Variants in COMMD5 observed in about 807,000 individuals in gnomAD.
The protein encoded by COMMD5 is COMM domain containing 5.
COMMD5 carries 10 observed loss-of-function variants against 6.9 expected under a neutral mutation model. The ratio of observed to expected loss-of-function variants is 1.44; its 90% CI spans 0.89 to 2.45. COMMD5 has a LOEUF of 2.45. COMMD5 is among the 30% of genes most tolerant of loss of function. The pLI is 0.00. For missense variants in COMMD5, 234 were observed against 287.8 expected (o/e 0.81, Z 1.35); for synonymous variants, 127 against 125.3 (o/e 1.01, Z -0.09).
chr8:144,845,624 T>A (rs147090252), downstream of COMMD5, among the ~76,000 whole-genome samples: 233 of 152,326 alleles, frequency 1.5e-3, 1 homozygote, highest in Admixed American at 3.4e-3. Context: ...AGGCTGATAT[T>A]CACAGGCATG....
chr8:144,845,831 G>A (rs924653819), downstream of COMMD5: 41 of 739,380 alleles, frequency 5.5e-5, no homozygotes, highest in East Asian at 2.7e-4. Context: ...TACTCACACC[G>A]GAACTTCTGT....
downstream of COMMD5, among the ~76,000 whole-genome samples, chr8:144,850,003 C>G (rs1830664023): frequency 1.3e-5 from 2 of 152,068 alleles, no homozygotes; most frequent in South Asian, 4.1e-4. The surrounding 1 kb of genome is among the most constrained non-coding windows in gnomAD (Gnocchi z 4.0). Context: ...CAGGCCTCCC[C>G]ACACTGGCCG....
downstream of COMMD5, chr8:144,838,081 G>A: frequency 1.4e-6 from 1 of 703,008 alleles, no homozygotes; most frequent in South Asian, 1.5e-5. Context: ...CTTTAGGGAA[G>A]GATCCTGTCC....
At chr8:144,846,311 C>T, downstream of COMMD5, 4 of 858,316 alleles carry the variant, frequency 4.7e-6, no homozygotes, top group Non-Finnish European at 6.9e-6. Flanking sequence ...GGTCCTAAGT[C>T]AGGGGCTGGC....
downstream of COMMD5, chr8:144,847,079 G>A (rs1199272225): frequency 6.6e-6 from 1 of 152,224 alleles, no homozygotes; most frequent in Non-Finnish European, 1.5e-5. Context: ...CCAAGGGTGT[G>A]AGCACATGAC....
downstream of COMMD5, chr8:144,838,147 G>A: frequency 2.8e-6 from 2 of 702,972 alleles, no homozygotes; most frequent in South Asian, 3.0e-5. Context: ...TTGGCTTGTG[G>A]ATGCGTCCCT....
At chr8:144,842,349 G>A (rs776788773) in intron 1 of COMMD5, 4 of 1,613,930 alleles carry the variant, frequency 2.5e-6, no homozygotes, top group Non-Finnish European at 2.5e-6. Context: ...AACCATTTAA[G>A]TGTGATGAGT....
At chr8:144,843,414 C>T (rs544668647) in intron 1 of COMMD5, 9 of 376,876 alleles carry the variant, frequency 2.4e-5, no homozygotes, top group East Asian at 9.1e-5. Context: ...AGGTGAAACC[C>T]CATCTCTACT....
At position 144,842,386 on chromosome 8, in the gene COMMD5, C is replaced by T. The variant is rs575469319; in HGVS notation, c.*117-643G>A. On this transcript the variant is annotated intron_variant and NMD_transcript_variant, in intron 1 of 1. Transcript: ENST00000530332. ...TGGGAAAGCTTTTAGGTGGATCTCT[C>T]GCCTGAGTCAGCATCAGCTGATTCA... 1.5e-5 allele frequency: 25 copies of T among 1,613,948 alleles called. No homozygotes were observed. Among genetic ancestry groups the T allele is most frequent in the African/African-American group, 2.7e-5 (2 of 75,022 alleles).
downstream of COMMD5, chr8:144,846,196 C>T: frequency 6.5e-7 from 1 of 1,535,232 alleles, no homozygotes; most frequent in Non-Finnish European, 8.7e-7. Context: ...AGATTCTGTG[C>T]TAACCATAAT....
chr8:144,842,637 C>T lies in COMMD5; in HGVS notation c.*117-894G>A, dbSNP rs763939395. On this transcript the variant is annotated intron_variant and NMD_transcript_variant, in intron 1 of 1. Transcript: ENST00000530332. ...GTGGAAAAGCCTTCAGTCAGAGTTC[C>T]AGCCTTATTTACCATCAGAGAATCC... 8.7e-6 allele frequency: 14 copies of T among 1,614,050 alleles called. No individual in the cohort carries two copies. In the Admixed American group the frequency reaches 2.3e-4, roughly 27 times the overall value.
chr8:144,844,725 A>AC (rs1563850625), intron 1 of COMMD5, among the ~76,000 whole-genome samples: 1,203 of 60,942 alleles, frequency 0.02, 33 homozygotes, highest in African/African-American at 0.073. Context: ...AAAAAAAAAA[A>AC]AAAAAAAAAA....
chr8:144,838,061 C>T (rs192197055), downstream of COMMD5: 6 of 702,908 alleles, frequency 8.5e-6, no homozygotes, highest in Non-Finnish European at 1.3e-5. Context: ...GCCGTGCCCC[C>T]CTGTGAAGGC....
chr8:144,845,308 G>A (rs1206849078), downstream of COMMD5, among the ~76,000 whole-genome samples: 3 of 152,120 alleles, frequency 2.0e-5, no homozygotes. Flanking sequence ...CCCAGCAGGT[G>A]CAGGCACAGC....
downstream of COMMD5, chr8:144,838,481 A>G (rs1300187701): frequency 3.6e-6 from 1 of 280,908 alleles, no homozygotes; most frequent in Non-Finnish European, 6.7e-6. Flanking sequence ...GACAAGGGAG[A>G]TGGGTCTGCG....
downstream of COMMD5, among the ~76,000 whole-genome samples, chr8:144,840,045 G>T (rs777321771): frequency 6.6e-6 from 1 of 152,178 alleles, no homozygotes; most frequent in Non-Finnish European, 1.5e-5. Context: ...AGTGATTCTT[G>T]TGCCTCAGCC....
rs1830726186 is a variant in COMMD5, at chr8:144,851,181, T to C, written c.158A>G (p.Lys53Arg). ...LDRSTFRKLLKFVVSSLQGED... is the reference protein window; with the variant it reads ...LDRSTFRKLLRFVVSSLQGED... ...CCCCTGCAGGCTGCTGACCACAAAC[T>C]TCAGCAACTTTCTGAACGTGCTCCT... is the stretch of plus-strand genomic sequence containing the variant. The change falls in exon 2 of 2, where the codon AAG becomes AGG. Residue 53 changes from lysine (K) to arginine (R), a missense_variant. Transcript: ENST00000305103. 1.9e-6 allele frequency: 3 copies of C among 1,613,684 alleles called. No homozygotes were observed. Among genetic ancestry groups the C allele is most frequent in the Non-Finnish European group, 2.5e-6 (3 of 1,180,012 alleles).
rs767066448 is a variant in COMMD5, at chr8:144,850,789, C to T, written c.550G>A (p.Asp184Asn). 2 of 1,614,026 alleles carry T rather than the reference C, an allele frequency of 1.2e-6. No individual in the cohort carries two copies. Among genetic ancestry groups the T allele is most frequent in the African/African-American group, 2.7e-5 (2 of 74,960 alleles). Reference protein sequence around the residue: ...PSVLMQLKLSDGSAYRFEVPT... With the variant: ...PSVLMQLKLSNGSAYRFEVPT... ...ACCTCAAAGCGGTATGCTGACCCATCTGAAAGCTTCAGCTGCATCAGGACG... is the reference window on the plus strand; with the variant it reads ...ACCTCAAAGCGGTATGCTGACCCATTTGAAAGCTTCAGCTGCATCAGGACG... Residue 184 changes from aspartate (D) to asparagine (N), a missense_variant, in exon 2 of 2, where the codon GAT (aspartate) becomes AAT (asparagine). Coordinates refer to ENST00000305103, the MANE Select transcript of COMMD5 (RefSeq NM_014066.4). The surrounding 1 kb of genome is among the most constrained non-coding windows in gnomAD (Gnocchi z 4.0).
chr8:144,848,809 T>C (rs1830619935), downstream of COMMD5, among the ~76,000 whole-genome samples: 1 of 152,212 alleles, frequency 6.6e-6, no homozygotes, highest in Admixed American at 6.5e-5. Context: ...GGCCAGCCGC[T>C]GTCCCTGCAC....
Sources: allele counts gnomAD v4.1 joint callset (sites outside exome capture counted in the v4.1 genomes callset), GRCh38; gene constraint gnomAD v4.1.1; non-coding constraint Gnocchi (gnomAD v3.1); transcripts MANE v1.5; gene names NCBI Gene and HGNC (gene_info 2026-07-23, HGNC 2026-07-21).